The following AFG2A variants were observed in gnomAD, a reference collection of about 807,000 sequenced individuals.
AFG2A encodes the protein ATPase family gene 2 protein homolog A.
the AFG2A span, among the ~76,000 whole-genome samples, chr4:123,123,108 A>G: frequency 5.3e-5 from 8 of 152,318 alleles, no homozygotes; most frequent in South Asian, 1.7e-3. Context: ...ATCATAAAAT[A>G]TAACTACTGC....
At chr4:122,975,735 T>C in the AFG2A span, among the ~76,000 whole-genome samples, 1 of 152,090 alleles carries the variant, frequency 6.6e-6, no homozygotes, top group Non-Finnish European at 1.5e-5. Flanking sequence ...AGAGACACTT[T>C]CTTTTCCTGC....
At chr4:123,210,478 A>T in the AFG2A span, among the ~76,000 whole-genome samples, 1 of 152,246 alleles carries the variant, frequency 6.6e-6, no homozygotes, top group East Asian at 1.9e-4. Flanking sequence ...ACTTTATGTG[A>T]TGTCCTCCAG....
At chr4:122,970,816 T>C in the AFG2A span, among the ~76,000 whole-genome samples, 4 of 151,622 alleles carry the variant, frequency 2.6e-5, no homozygotes, top group Non-Finnish European at 5.9e-5. Context: ...GCAACGCATG[T>C]CTGTATCTAG....
At chr4:123,259,328 C>T in the AFG2A span, among the ~76,000 whole-genome samples, 2 of 152,156 alleles carry the variant, frequency 1.3e-5, no homozygotes, top group Admixed American at 1.3e-4. Context: ...ATTTTTCCTT[C>T]GTGGAGAGGG....
chr4:123,126,412 T>G, the AFG2A span, among the ~76,000 whole-genome samples: 8 of 152,214 alleles, frequency 5.3e-5, no homozygotes, highest in African/African-American at 1.9e-4. Context: ...TGTTCTCTAA[T>G]AGTTCATGTG....
the AFG2A span, among the ~76,000 whole-genome samples, chr4:122,976,718 C>T: frequency 6.6e-6 from 1 of 152,168 alleles, no homozygotes; most frequent in Non-Finnish European, 1.5e-5. Context: ...ATCACATTTC[C>T]AACTGCCACC....
the AFG2A span, among the ~76,000 whole-genome samples, chr4:123,003,715 A>T: frequency 4.0e-5 from 6 of 149,920 alleles, no homozygotes; most frequent in African/African-American, 1.5e-4. Flanking sequence ...GTCTGCCCCT[A>T]CTGGGGGGTG....
chr4:123,319,142 C>G, the AFG2A span: 104 of 152,210 alleles, frequency 6.8e-4, no homozygotes, highest in African/African-American at 2.4e-3. Context: ...ATGTGTAAAA[C>G]AGGTTTTAAA....
the AFG2A span, among the ~76,000 whole-genome samples, chr4:123,166,750 T>C: frequency 2.6e-5 from 4 of 152,168 alleles, no homozygotes; most frequent in African/African-American, 9.7e-5. Flanking sequence ...TAGAAGTCTA[T>C]AAATCTATCA....
the AFG2A span, among the ~76,000 whole-genome samples, chr4:123,034,092 T>A: frequency 1.8e-4 from 28 of 152,236 alleles, no homozygotes; most frequent in South Asian, 1.9e-3. Context: ...TACATTTTTT[T>A]TTCAGTATAG....
At chr4:123,259,625 ATTG>A in the AFG2A span, among the ~76,000 whole-genome samples, 1 of 152,120 alleles carries the variant, frequency 6.6e-6, no homozygotes, top group Non-Finnish European at 1.5e-5. Context: ...GGTTATCACT[ATTG>A]TTTTCTTTTG....
chr4:123,015,842 G>A, the AFG2A span, among the ~76,000 whole-genome samples: 1 of 57,242 alleles, frequency 1.7e-5, no homozygotes, highest in African/African-American at 4.3e-5. Flanking sequence ...CGGATGGGGC[G>A]GCTGGCCGGG....
chr4:123,106,923 CAGTCAGGCACACAAG>C, the AFG2A span, among the ~76,000 whole-genome samples: 4 of 152,242 alleles, frequency 2.6e-5, no homozygotes, highest in Non-Finnish European at 5.9e-5. Context: ...CCACTATGCA[CAGTCAGGCACACAAG>C]CTGCTGCATG....
the AFG2A span, among the ~76,000 whole-genome samples, chr4:123,178,334 T>TA: frequency 6.6e-6 from 1 of 152,214 alleles, no homozygotes; most frequent in Non-Finnish European, 1.5e-5. Context: ...TTAAGGATAG[T>TA]TACTCTTTAT....
At chr4:123,251,653 GA>G in the AFG2A span, among the ~76,000 whole-genome samples, 5 of 151,916 alleles carry the variant, frequency 3.3e-5, no homozygotes, top group Non-Finnish European at 5.9e-5. Context: ...ATTTGTCTTA[GA>G]TAACATTTTC....
the AFG2A span, among the ~76,000 whole-genome samples, chr4:123,221,402 A>G: frequency 1.8e-4 from 27 of 152,190 alleles, no homozygotes; most frequent in African/African-American, 4.1e-4. Context: ...GGCTCAAGCA[A>G]TCTTCCTCCC....
At chr4:122,958,527 GT>G in the AFG2A span, among the ~76,000 whole-genome samples, 3 of 152,180 alleles carry the variant, frequency 2.0e-5, no homozygotes, top group Non-Finnish European at 2.9e-5. Context: ...TGTTTCACAT[GT>G]TTTTAATTCA....
chr4:122,934,783 A>T, the AFG2A span: 1 of 1,519,092 alleles, frequency 6.6e-7, no homozygotes, highest in Non-Finnish European at 8.8e-7. Context: ...TTAAATTCAA[A>T]TTAAAAGACA....
the AFG2A span, among the ~76,000 whole-genome samples, chr4:123,079,745 C>CTTTTTTTT: frequency 5.1e-4 from 37 of 72,628 alleles, no homozygotes; most frequent in African/African-American, 5.8e-4. Flanking sequence ...TCTTTTCCTT[C>CTTTTTTTT]TTTTTTTTTT....
Sources: gnomAD v4.1 joint callset for allele counts (sites outside exome capture counted in the v4.1 genomes callset) on GRCh38, gnomAD v4.1.1 for gene constraint, MANE v1.5 for transcripts, NCBI Gene and HGNC (gene_info 2026-07-23, HGNC 2026-07-21) for gene names.